NOCT: variants seen among roughly 807,000 people sequenced by gnomAD.
NOCT encodes the protein nocturnin.
In NOCT, 18 loss-of-function variants were observed where a neutral mutation model predicts 35.0. The observed-to-expected ratio is 0.51, with a 90% CI of 0.36 to 0.76. NOCT has a LOEUF of 0.76. NOCT is among the 30% of genes least tolerant of loss of function. NOCT has a pLI of 0.01. For missense variants in NOCT, 479 were observed against 541.0 expected, an observed-to-expected ratio of 0.89 and a Z score of 1.14; for synonymous variants, 235 against 226.3, an observed-to-expected ratio of 1.04 and a Z score of -0.34.
intron 1 of NOCT, among the ~76,000 whole-genome samples, chr4:139,026,915 G>A (rs59883118): frequency 0.059 from 316 of 5,372 alleles, 24 homozygotes; most frequent in South Asian, 0.15. Context: ...TCGCTCTGTC[G>A]CCCAGGCTGG....
chr4:139,038,276 CAT>C (rs1247126878), intron 1 of NOCT, among the ~76,000 whole-genome samples: 1 of 151,856 alleles, frequency 6.6e-6, no homozygotes, highest in Non-Finnish European at 1.5e-5. Context: ...GCTAAATAGT[CAT>C]AGAACTGGGA....
intron 1 of NOCT, among the ~76,000 whole-genome samples, chr4:139,037,638 A>G (rs1368584278): frequency 6.6e-6 from 1 of 152,144 alleles, no homozygotes; most frequent in Non-Finnish European, 1.5e-5. Context: ...AGGAACATAG[A>G]TTTGAAAAGT....
chr4:139,039,009 G>A (rs1726786152), intron 1 of NOCT, among the ~76,000 whole-genome samples: 1 of 151,940 alleles, frequency 6.6e-6, no homozygotes, highest in Non-Finnish European at 1.5e-5. Flanking sequence ...GTGAGTGTGT[G>A]TGTACTTAAC....
chr4:139,027,067 T>A (rs13124539), intron 1 of NOCT, among the ~76,000 whole-genome samples: 1,370 of 8,546 alleles, frequency 0.16, 624 homozygotes, highest in African/African-American at 0.21. Flanking sequence ...TTTTTAGTAG[T>A]GACGGGGTTT....
chr4:139,038,067 GAACA>G (rs1312418479), intron 1 of NOCT, among the ~76,000 whole-genome samples: 1 of 152,090 alleles, frequency 6.6e-6, no homozygotes, highest in Non-Finnish European at 1.5e-5. Context: ...AGGCGTGGTA[GAACA>G]AACCTGTAGT....
At chr4:139,033,805 G>A (rs889455899) in intron 1 of NOCT, among the ~76,000 whole-genome samples, 7 of 152,092 alleles carry the variant, frequency 4.6e-5, no homozygotes, top group Admixed American at 3.9e-4. Context: ...TGCAGTCATG[G>A]TTCACTGCAA....
chr4:139,038,610 G>A (rs1456454281), intron 1 of NOCT, among the ~76,000 whole-genome samples: 1 of 152,110 alleles, frequency 6.6e-6, no homozygotes, highest in Non-Finnish European at 1.5e-5. Context: ...GAGTTGCAGT[G>A]CCAGTACCAC....
chr4:139,026,391 G>A (rs531873586), intron 1 of NOCT, among the ~76,000 whole-genome samples: 1 of 151,662 alleles, frequency 6.6e-6, no homozygotes, highest in East Asian at 2.0e-4. Flanking sequence ...ATGAGCCACC[G>A]CCCCTGGCCA....
chr4:139,023,833 T>C (rs1377465585), intron 1 of NOCT, among the ~76,000 whole-genome samples: 1 of 152,188 alleles, frequency 6.6e-6, no homozygotes, highest in African/African-American at 2.4e-5. Flanking sequence ...ATTGATTATC[T>C]GTAGAAGCTT....
Position 139,015,850 on chromosome 4 carries a change from G to C in NOCT, c.-132G>C. The C allele has an allele frequency of 1.5e-6, 1 of 688,262 alleles. No individual in the cohort carries two copies. Among genetic ancestry groups the C allele is most frequent in the Non-Finnish European group, 2.0e-6 (1 of 499,860 alleles). 42.6% of individuals were successfully genotyped at this position (688,262 alleles called of 1,614,324 possible). On this transcript the variant is annotated 5_prime_UTR_variant, in exon 1 of 3. Transcript: ENST00000280614. ...GCTGCCCGGGATTTCCCCAGAACCT[G>C]CGCCGCGCGAGAAGGAGCCTGGGAG... is the stretch of plus-strand genomic sequence containing the variant.
intron 1 of NOCT, among the ~76,000 whole-genome samples, chr4:139,036,258 T>G (rs1726736961): frequency 6.6e-6 from 1 of 152,096 alleles, no homozygotes; most frequent in Non-Finnish European, 1.5e-5. Context: ...CCTAGAGAGA[T>G]ATTTAATTTT....
chr4:139,016,589 A>G (rs1308850247), intron 1 of NOCT, among the ~76,000 whole-genome samples: 1 of 146,688 alleles, frequency 6.8e-6, no homozygotes, highest in Non-Finnish European at 1.5e-5. Flanking sequence ...TGGTCTAGAT[A>G]TTAAGTTTTT....
intron 1 of NOCT, among the ~76,000 whole-genome samples, chr4:139,039,077 C>CT (rs1325226329): frequency 6.6e-6 from 1 of 150,896 alleles, no homozygotes; most frequent in Admixed American, 6.6e-5. Flanking sequence ...TGGCTCATGC[C>CT]TGTAATCCCA....
intron 1 of NOCT, among the ~76,000 whole-genome samples, chr4:139,037,904 G>GAA (rs538193810): frequency 0.01 from 1,372 of 133,742 alleles, 25 homozygotes; most frequent in African/African-American, 0.036. Context: ...GCCCTTTGGG[G>GAA]AAAAAAAAAA....
chr4:139,042,895 CAA>C lies in NOCT; in HGVS notation c.191-178_191-177del, dbSNP rs376706204. Among the ~76,000 whole-genome samples, 55 of 136,282 alleles carry C rather than the reference CAA, an allele frequency of 4.0e-4. No homozygotes were observed. The South Asian group carries it at 0.012, about 30-fold the overall frequency. 89.4% of individuals were successfully genotyped at this position (136,282 alleles called of 152,430 possible). A position where few individuals can be genotyped will look rare whatever the true frequency, so the allele number is the denominator to read the frequency against. On this transcript the variant is annotated intron_variant, in intron 1 of 2. Transcript: ENST00000280614. ...TGCCATTGCACTCCAGCCTGGGCAA[CAA>C]GAGCGAAACTCCATCTCAAAAAAAA...
chr4:139,037,438 T>A (rs1241198033), intron 1 of NOCT, among the ~76,000 whole-genome samples: 1 of 152,104 alleles, frequency 6.6e-6, no homozygotes, highest in Non-Finnish European at 1.5e-5. Flanking sequence ...ATAATTACTA[T>A]TTTTTTATTT....
chr4:139,021,526 AG>A (rs1726413894), intron 1 of NOCT, among the ~76,000 whole-genome samples: 1 of 151,944 alleles, frequency 6.6e-6, no homozygotes, highest in South Asian at 2.1e-4. Flanking sequence ...GAAAAAAAAA[AG>A]GGAAGAAATT....
intron 1 of NOCT, among the ~76,000 whole-genome samples, chr4:139,036,035 T>C (rs1019818990): frequency 2.0e-5 from 3 of 152,198 alleles, no homozygotes; most frequent in African/African-American, 4.8e-5. Context: ...AAGCATTCCC[T>C]ATTCTACCTT....
At chr4:139,033,730 A>AG (rs1726667824) in intron 1 of NOCT, among the ~76,000 whole-genome samples, 4 of 151,784 alleles carry the variant, frequency 2.6e-5, no homozygotes, top group Admixed American at 2.0e-4. Flanking sequence ...GGTGAGAAAC[A>AG]ATGAGACTTG....
Sources: gnomAD v4.1 joint callset for allele counts (sites outside exome capture counted in the v4.1 genomes callset) on GRCh38, gnomAD v4.1.1 for gene constraint, MANE v1.5 for transcripts, NCBI Gene and HGNC (gene_info 2026-07-23, HGNC 2026-07-21) for gene names.